The following ABCA13 variants were observed in gnomAD, a reference collection of about 807,000 sequenced individuals.
ABCA13 encodes ATP binding cassette subfamily A member 13.
A neutral mutation model predicts 478.7 loss-of-function variants in ABCA13; 476 were observed. The ratio of observed to expected loss-of-function variants is 0.99; its 90% CI spans 0.92 to 1.07. The LOEUF is 1.07. Ranked by LOEUF, ABCA13 falls within the 50% of genes least tolerant of loss-of-function variation. The pLI, the probability that ABCA13 is intolerant of heterozygous loss-of-function variation, is 0.00. For missense variants in ABCA13, 6,060 were observed against 5,910.6 expected (o/e 1.03, Z -0.83); for synonymous variants, 2,252 against 2,158.9 (o/e 1.04, Z -1.20).
chr7:48,459,494 A>G (rs1330165920), intron 43 of ABCA13, among the ~76,000 whole-genome samples: 2 of 152,162 alleles, frequency 1.3e-5, no homozygotes, highest in African/African-American at 2.4e-5. Flanking sequence ...TAATGTTCCC[A>G]GCAAAATAAG....
intron 51 of ABCA13, among the ~76,000 whole-genome samples, chr7:48,513,397 T>C (rs1366194167): frequency 6.6e-6 from 1 of 152,150 alleles, no homozygotes; most frequent in East Asian, 1.9e-4. Flanking sequence ...TTATTTAAAC[T>C]ATAAAAGGGA....
chr7:48,367,491 T>G (rs1384319249), intron 31 of ABCA13, among the ~76,000 whole-genome samples: 1 of 152,208 alleles, frequency 6.6e-6, no homozygotes, highest in Non-Finnish European at 1.5e-5. Flanking sequence ...AGGCATGGAT[T>G]AATGACCTGC....
At chr7:48,560,325 C>G (rs1473955710) in intron 55 of ABCA13, among the ~76,000 whole-genome samples, 1 of 152,118 alleles carries the variant, frequency 6.6e-6, no homozygotes, top group African/African-American at 2.4e-5. Flanking sequence ...TGCCAAGTCC[C>G]CCAGTCACTG....
At chr7:48,642,820 G>C (rs1430956638) in intron 59 of ABCA13, among the ~76,000 whole-genome samples, 3 of 152,132 alleles carry the variant, frequency 2.0e-5, no homozygotes, top group Non-Finnish European at 2.9e-5. Context: ...AAGTACAATT[G>C]GGATAACTTT....
At chr7:48,508,146 C>A in intron 50 of ABCA13, 97 bp downstream of exon 50, 2 of 1,488,964 alleles carry the variant, frequency 1.3e-6, no homozygotes, top group Non-Finnish European at 1.8e-6. Context: ...CCCTGGCTGC[C>A]TTGGAGTGTC....
At chr7:48,538,941 T>G (rs1409526815) in intron 55 of ABCA13, among the ~76,000 whole-genome samples, 1 of 152,226 alleles carries the variant, frequency 6.6e-6, no homozygotes, top group African/African-American at 2.4e-5. Context: ...CTACAAACTT[T>G]GCTGACTGCA....
At chr7:48,466,865 C>G in intron 43 of ABCA13, 91 bp from the exon 44 acceptor site, 1 of 1,207,768 alleles carries the variant, frequency 8.3e-7, no homozygotes, top group Non-Finnish European at 1.2e-6. Flanking sequence ...CTGACTAGGG[C>G]ACAATGTGAG....
chr7:48,386,404 A>G (rs1230321218), intron 35 of ABCA13, among the ~76,000 whole-genome samples: 1 of 152,234 alleles, frequency 6.6e-6, no homozygotes, highest in Non-Finnish European at 1.5e-5. Context: ...TTCACATGGA[A>G]CTAAAAAGGA....
chr7:48,285,129 G>A (rs774148901), intron 19 of ABCA13, among the ~76,000 whole-genome samples: 4 of 152,102 alleles, frequency 2.6e-5, no homozygotes, highest in Non-Finnish European at 4.4e-5. Flanking sequence ...CCTAATTGAC[G>A]AATTGAGGCC....
intron 29 of ABCA13, among the ~76,000 whole-genome samples, chr7:48,346,874 C>T (rs1294893311): frequency 1.3e-5 from 2 of 152,234 alleles, no homozygotes; most frequent in East Asian, 1.9e-4. Context: ...GTGACCTGCA[C>T]TCCTGGAGCA....
In ABCA13 at chr7:48,514,480, G is replaced by T. The variant is rs74852644; in HGVS notation, c.13641-2245G>T. 6.6e-3 allele frequency among the ~76,000 whole-genome samples: 1,003 copies of T among 152,300 alleles called. 8 individuals are homozygous for T. The highest frequency in any genetic ancestry group is 0.031 in the Middle Eastern group (9 of 294). On this transcript the variant is annotated intron_variant, in intron 51 of 61. Transcript: ENST00000435803. ...CCAGAATATAGAGTTTGAATCAGTA[G>T]CTATAAGTTGGAGAGAGTTTTCATT...
intron 41 of ABCA13, among the ~76,000 whole-genome samples, chr7:48,417,455 A>T (rs1205912025): frequency 6.6e-6 from 1 of 152,198 alleles, no homozygotes; most frequent in Non-Finnish European, 1.5e-5. Flanking sequence ...ATGTTTCATC[A>T]CTTCCTGTCG....
chr7:48,486,569 C>T (rs546870820), intron 47 of ABCA13, among the ~76,000 whole-genome samples: 92 of 152,278 alleles, frequency 6.0e-4, no homozygotes, highest in African/African-American at 2.1e-3. Flanking sequence ...TCAAAAGCAA[C>T]GCCAACTATT....
chr7:48,455,185 C>G lies in ABCA13; in HGVS notation c.12714C>G (p.Ala4238=), dbSNP rs1271928114. The G allele has an allele frequency of 1.9e-6, 3 of 1,590,520 alleles. No homozygotes were observed. Among genetic ancestry groups the G allele is most frequent in the Admixed American group, 1.8e-5 (1 of 56,884 alleles). The change falls in exon 43 of 62, where the codon GCC becomes GCG. Residue 4238 remains alanine, a synonymous_variant. Coordinates refer to ENST00000435803, the MANE Select transcript of ABCA13 (RefSeq NM_152701.5). ...ADLLLPVLFV[A]LAMGLFMVRP... Reference sequence around the variant, plus strand: ...TGCTGCTGCCAGTCCTCTTCGTGGCCTTGGCCATGGGCTTGTTCATGGTGA... The same window carrying G: ...TGCTGCTGCCAGTCCTCTTCGTGGCGTTGGCCATGGGCTTGTTCATGGTGA...
chr7:48,622,844 T>C (rs1411946281), intron 59 of ABCA13, among the ~76,000 whole-genome samples: 1 of 152,210 alleles, frequency 6.6e-6, no homozygotes, highest in Non-Finnish European at 1.5e-5. Flanking sequence ...CTTATAGGCA[T>C]AAAAAAGTAG....
chr7:48,411,417 C>G (rs940631029), intron 40 of ABCA13, among the ~76,000 whole-genome samples: 73 of 151,920 alleles, frequency 4.8e-4, no homozygotes, highest in African/African-American at 1.7e-3. Flanking sequence ...AAGCAATTCT[C>G]CTGCCTCAGC....
intron 15 of ABCA13, among the ~76,000 whole-genome samples, chr7:48,262,145 C>A (rs1031833317): frequency 1.8e-4 from 27 of 151,870 alleles, no homozygotes; most frequent in African/African-American, 6.3e-4. Context: ...TCAAAAATAA[C>A]AGGTTAAATT....
chr7:48,576,279 A>G (rs1324762249), intron 55 of ABCA13, among the ~76,000 whole-genome samples: 1 of 152,138 alleles, frequency 6.6e-6, no homozygotes, highest in Non-Finnish European at 1.5e-5. Flanking sequence ...AAGTCACCAT[A>G]TGAGGCCAGG....
At chr7:48,402,439 T>A (rs1208775044) in intron 38 of ABCA13, among the ~76,000 whole-genome samples, 1 of 152,180 alleles carries the variant, frequency 6.6e-6, no homozygotes, top group Non-Finnish European at 1.5e-5. Flanking sequence ...GAAACATTTG[T>A]CTTCCTCCTT....
Sources: allele counts gnomAD v4.1 joint callset (sites outside exome capture counted in the v4.1 genomes callset), GRCh38; gene constraint gnomAD v4.1.1; transcripts MANE v1.5; gene names NCBI Gene and HGNC (gene_info 2026-07-23, HGNC 2026-07-21).